The following DCDC1 variants were observed in gnomAD, a reference collection of about 807,000 sequenced individuals.
The protein encoded by DCDC1 is doublecortin domain containing 1.
Under a neutral mutation model 178.3 loss-of-function variants are expected in DCDC1, and 200 were observed. The observed-to-expected ratio is 1.12, with a 90% CI of 1.00 to 1.26. The LOEUF (loss-of-function observed/expected upper bound fraction) is 1.26, where lower values mean the gene tolerates loss of function less well. Ranked by LOEUF, DCDC1 falls within the 50% of genes most tolerant of loss-of-function variation. The pLI is 0.00. For missense variants in DCDC1, 1,983 were observed against 1,749.2 expected (o/e 1.13, Z -2.38); for synonymous variants, 690 against 604.8 (o/e 1.14, Z -2.07).
At chr11:30,892,244 A>AG (rs1943845822) in intron 36 of DCDC1, among the ~76,000 whole-genome samples, 1 of 152,180 alleles carries the variant, frequency 6.6e-6, no homozygotes, top group Non-Finnish European at 1.5e-5. Context: ...CTCTTTCCTT[A>AG]GTCAATACTT....
At chr11:31,288,539 G>A (rs1029060143) in intron 7 of DCDC1, among the ~76,000 whole-genome samples, 2 of 151,762 alleles carry the variant, frequency 1.3e-5, no homozygotes, top group Non-Finnish European at 3.0e-5. Context: ...TGTGCTCAGA[G>A]AGGACTTTTA....
intron 9 of DCDC1, among the ~76,000 whole-genome samples, chr11:31,235,401 T>C (rs1976328834): frequency 6.6e-6 from 1 of 150,760 alleles, no homozygotes. Context: ...GAGAGTTGAG[T>C]AGAAAAAAAA....
chr11:30,909,698 A>G (rs1166232997), intron 28 of DCDC1, among the ~76,000 whole-genome samples: 1 of 152,172 alleles, frequency 6.6e-6, no homozygotes, highest in Non-Finnish European at 1.5e-5. Context: ...CAATATTTCC[A>G]AAACATGAAT....
At chr11:31,045,103 A>G (rs1236823730) in intron 20 of DCDC1, among the ~76,000 whole-genome samples, 7 of 152,132 alleles carry the variant, frequency 4.6e-5, no homozygotes, top group African/African-American at 7.2e-5. Flanking sequence ...TCTTATATAT[A>G]CTTTATATAT....
intron 21 of DCDC1, among the ~76,000 whole-genome samples, chr11:30,946,420 C>T (rs944159019): frequency 2.0e-5 from 3 of 152,182 alleles, no homozygotes; most frequent in African/African-American, 4.8e-5. Flanking sequence ...ATTAATTCAT[C>T]CAGCCACTGG....
intron 25 of DCDC1, among the ~76,000 whole-genome samples, chr11:30,919,807 T>G (rs978149008): frequency 1.1e-4 from 17 of 152,186 alleles, no homozygotes; most frequent in Non-Finnish European, 1.2e-4. Context: ...CAGAGGTAAT[T>G]GGCCAGGTAT....
At position 31,285,548 on chromosome 11, in the gene DCDC1, G is replaced by A. The variant is rs374476732; in HGVS notation, c.960+5099C>T. Among the ~76,000 whole-genome samples the A allele has an allele frequency of 9.2e-5, 14 of 152,096 alleles. No homozygotes were observed. In the East Asian group the frequency reaches 1.4e-3, roughly 15 times the overall value. On this transcript the variant is annotated intron_variant, in intron 7 of 38. Coordinates refer to ENST00000684477, the MANE Select transcript of DCDC1 (RefSeq NM_001387274.1). ...ATTTATGTGTGAACATTCTGCAATC[G>A]TACCATTATATTGTGTTATTTCAAT...
intron 20 of DCDC1, among the ~76,000 whole-genome samples, chr11:31,018,329 A>G (rs1590775485): frequency 6.6e-6 from 1 of 152,356 alleles, no homozygotes; most frequent in African/African-American, 2.4e-5. Context: ...TTAAACAGCT[A>G]GAAAACGTTG....
chr11:31,207,740 ACT>A (rs1322697934), intron 9 of DCDC1, among the ~76,000 whole-genome samples: 1 of 151,812 alleles, frequency 6.6e-6, no homozygotes, highest in Non-Finnish European at 1.5e-5. Flanking sequence ...TTACCTCAAC[ACT>A]CTGAAAAAGT....
rs1565053551 is a variant in DCDC1 at position 30,905,001 on chromosome 11, T to A, written c.4268A>T (p.Tyr1423Phe). Residue 1423 changes from tyrosine to phenylalanine, a missense_variant, in exon 31 of 39, where the codon TAT (tyrosine) becomes TTT (phenylalanine). Coordinates refer to ENST00000684477, the MANE Select transcript of DCDC1 (RefSeq NM_001387274.1). ...KIIAYKNGDG[Y>F]RNGKLIVAGT... The stretch of plus-strand genomic sequence containing the variant: ...AGCCACAATTAACTTCCCATTACGA[T>A]ACCCATCCCCATTTTTGTATGCAAT... The A allele has an allele frequency of 6.2e-7, 1 of 1,613,844 alleles. No homozygotes were observed. Among genetic ancestry groups the A allele is most frequent in the Non-Finnish European group, 8.5e-7 (1 of 1,179,750 alleles).
At chr11:30,932,050 T>C (rs2134319251) in intron 21 of DCDC1, 98 bp from the exon 22 acceptor site, 3 of 1,184,390 alleles carry the variant, frequency 2.5e-6, no homozygotes, top group East Asian at 5.6e-5. Context: ...CTTTAATCTC[T>C]CATTCATTCA....
At chr11:31,111,585 A>G (rs2135806699) in intron 11 of DCDC1, among the ~76,000 whole-genome samples, 1 of 152,290 alleles carries the variant, frequency 6.6e-6, no homozygotes, top group South Asian at 2.1e-4. Flanking sequence ...CTGAGTAAAA[A>G]AAATCTCTCT....
At chr11:31,119,947 C>A (rs576299161) in intron 11 of DCDC1, among the ~76,000 whole-genome samples, 30 of 152,258 alleles carry the variant, frequency 2.0e-4, no homozygotes, top group Non-Finnish European at 3.5e-4. Context: ...TGAAAATAAT[C>A]GTGGCCTTGG....
At chr11:30,869,946 C>A (rs572777331) in intron 38 of DCDC1, among the ~76,000 whole-genome samples, 4 of 152,046 alleles carry the variant, frequency 2.6e-5, no homozygotes, top group African/African-American at 4.8e-5. Context: ...ACAACTTTGA[C>A]AAAGAATTCG....
intron 9 of DCDC1, among the ~76,000 whole-genome samples, chr11:31,140,498 C>G (rs138165098): frequency 7.2e-5 from 11 of 152,178 alleles, no homozygotes; most frequent in South Asian, 4.1e-4. Flanking sequence ...TTTTGTCAGG[C>G]CTTGCTGCTA....
At chr11:31,250,413 C>T (rs1186979700) in intron 8 of DCDC1, among the ~76,000 whole-genome samples, 4 of 93,108 alleles carry the variant, frequency 4.3e-5, no homozygotes, top group African/African-American at 1.5e-4. Flanking sequence ...CACACACACA[C>T]ACATATACAT....
intron 20 of DCDC1, among the ~76,000 whole-genome samples, chr11:31,011,332 TTAAC>T (rs1952155512): frequency 1.3e-5 from 2 of 152,082 alleles, no homozygotes; most frequent in Non-Finnish European, 2.9e-5. Context: ...AAAAACCTGT[TTAAC>T]AAAAGATACA....
Position 30,904,959 on chromosome 11 carries a change from A to G in DCDC1, c.4308+2T>C. Reference sequence around the variant, plus strand: ...AGCAGCATTTAAGTGATAGCCACTTACCATGGGGAATGTTCCAGCCACAAT... The same window carrying G: ...AGCAGCATTTAAGTGATAGCCACTTGCCATGGGGAATGTTCCAGCCACAAT... On this transcript the variant is annotated splice_donor_variant, in intron 31 of 38. Coordinates refer to ENST00000684477, the MANE Select transcript of DCDC1 (RefSeq NM_001387274.1). LOFTEE classifies it high-confidence loss of function. 1 of 1,613,686 alleles carries G rather than the reference A, an allele frequency of 6.2e-7. No individual in the cohort carries two copies. The highest frequency in any genetic ancestry group is 1.1e-5 in the South Asian group (1 of 91,072).
rs72156406 is a variant in DCDC1 at position 31,315,306 on chromosome 11, C to CT, written c.165-7399dup. On this transcript the variant is annotated intron_variant, in intron 3 of 38. Coordinates refer to ENST00000684477, the MANE Select transcript of DCDC1 (RefSeq NM_001387274.1). ...CTTCCATAGTTCCTATTTGCATACC[C>CT]TTTTTTTTTTTTTTTTTTTTTTTTT... is the stretch of plus-strand genomic sequence containing the variant. Among the ~76,000 whole-genome samples the CT allele has an allele frequency of 6.7e-3, 415 of 62,212 alleles. 92 individuals carry two copies. Among genetic ancestry groups the CT allele is most frequent in the East Asian group, 0.013 (22 of 1,672 alleles). The allele number at this position is 62,212 out of a possible 152,430, so 40.8% of individuals were successfully genotyped here.
Sources: allele counts gnomAD v4.1 joint callset (sites outside exome capture counted in the v4.1 genomes callset), GRCh38; gene constraint gnomAD v4.1.1; transcripts MANE v1.5; gene names NCBI Gene and HGNC (gene_info 2026-07-23, HGNC 2026-07-21).